The following GRM5 variants were observed in gnomAD, a reference collection of about 807,000 sequenced individuals.
GRM5 encodes the protein metabotropic glutamate receptor 5.
In GRM5, 19 loss-of-function variants were observed where a neutral mutation model predicts 83.1. The observed-to-expected ratio is 0.23, with a 90% CI of 0.16 to 0.34. The LOEUF (loss-of-function observed/expected upper bound fraction) is 0.34. GRM5 is among the 10% of genes least tolerant of loss of function. The pLI is 1.00. For missense variants in GRM5, 1,160 were observed against 1,588.3 expected (o/e 0.73, Z 4.58); for synonymous variants, 675 against 633.6 (o/e 1.07, Z -0.98).
intron 7 of GRM5, among the ~76,000 whole-genome samples, chr11:88,589,624 C>T (rs191129057): frequency 5.1e-4 from 78 of 152,226 alleles, no homozygotes; most frequent in African/African-American, 1.7e-3. Context: ...AAGTTTTGTG[C>T]TAAATCCATC....
chr11:88,814,431 G>C (rs1943635736), intron 3 of GRM5, among the ~76,000 whole-genome samples: 2 of 152,160 alleles, frequency 1.3e-5, no homozygotes, highest in Admixed American at 6.5e-5. Flanking sequence ...CAGTCTGAAA[G>C]TATTGAATCG....
At chr11:88,650,250 T>C (rs76489539) in intron 4 of GRM5, among the ~76,000 whole-genome samples, 3,809 of 151,862 alleles carry the variant, frequency 0.025, 148 homozygotes, top group African/African-American at 0.085. Flanking sequence ...AAATGAGAGA[T>C]ACAGTAAGGT....
At chr11:88,724,473 A>G (rs1030154277) in intron 3 of GRM5, among the ~76,000 whole-genome samples, 1 of 152,146 alleles carries the variant, frequency 6.6e-6, no homozygotes, top group African/African-American at 2.4e-5. Context: ...TTCTCTAGAT[A>G]GTATGTTTTG....
At chr11:88,961,278 T>C (rs1938774745) in intron 2 of GRM5, among the ~76,000 whole-genome samples, 1 of 152,132 alleles carries the variant, frequency 6.6e-6, no homozygotes, top group African/African-American at 2.4e-5. Context: ...ATGGGTGCAA[T>C]GTACAAGCAG....
chr11:88,786,766 A>G (rs1191308930), intron 3 of GRM5, among the ~76,000 whole-genome samples: 1 of 151,872 alleles, frequency 6.6e-6, no homozygotes, highest in Non-Finnish European at 1.5e-5. Flanking sequence ...TTTACGTTAC[A>G]TACCTTTCTG....
chr11:88,535,811 G>C (rs1942118952), intron 8 of GRM5, among the ~76,000 whole-genome samples: 1 of 152,076 alleles, frequency 6.6e-6, no homozygotes, highest in African/African-American at 2.4e-5. Context: ...ATCTAAAGAA[G>C]TTACTACTAA....
intron 3 of GRM5, among the ~76,000 whole-genome samples, chr11:88,796,023 G>A (rs990608386): frequency 8.5e-5 from 13 of 152,134 alleles, no homozygotes; most frequent in African/African-American, 2.9e-4. Context: ...TCAACTAATT[G>A]GTTCAGAAAA....
intron 2 of GRM5, among the ~76,000 whole-genome samples, chr11:89,023,002 C>G (rs1379585720): frequency 6.6e-6 from 1 of 152,154 alleles, no homozygotes; most frequent in Non-Finnish European, 1.5e-5. Context: ...ATGTGTATTT[C>G]TGACACGTTC....
At chr11:88,866,130 A>T (rs552703767) in intron 2 of GRM5, among the ~76,000 whole-genome samples, 2 of 152,120 alleles carry the variant, frequency 1.3e-5, no homozygotes, top group Non-Finnish European at 2.9e-5. Context: ...ACTATTCACA[A>T]TATCAAAGAC....
At chr11:88,646,287 T>C (rs989704604) in intron 4 of GRM5, among the ~76,000 whole-genome samples, 1 of 152,052 alleles carries the variant, frequency 6.6e-6, no homozygotes, top group Non-Finnish European at 1.5e-5. Context: ...AGAGAAAAAT[T>C]ATACTCTTAA....
chr11:88,904,510 A>C (rs1945371480), intron 2 of GRM5, among the ~76,000 whole-genome samples: 1 of 152,094 alleles, frequency 6.6e-6, no homozygotes, highest in East Asian at 1.9e-4. Context: ...GTACTGCCTT[A>C]TTGCAATTAA....
chr11:88,747,495 C>T (rs530990331), intron 3 of GRM5, among the ~76,000 whole-genome samples: 117 of 152,172 alleles, frequency 7.7e-4, no homozygotes, highest in Non-Finnish European at 1.5e-3. Flanking sequence ...ACGTGTACCT[C>T]TAAATTTTAA....
At chr11:88,809,838 ATC>A (rs1400611743) in intron 3 of GRM5, among the ~76,000 whole-genome samples, 2 of 152,050 alleles carry the variant, frequency 1.3e-5, no homozygotes, top group African/African-American at 4.8e-5. Context: ...AATATCAAAT[ATC>A]TGTTAAATTT....
intron 4 of GRM5, among the ~76,000 whole-genome samples, chr11:88,629,717 C>G (rs994582805): frequency 5.9e-5 from 9 of 152,156 alleles, no homozygotes; most frequent in African/African-American, 1.9e-4. Context: ...CCACAGACTT[C>G]CATGACTTAC....
chr11:88,599,795 TGAGGTCAG>T (rs1937925183), intron 5 of GRM5, among the ~76,000 whole-genome samples: 1 of 151,900 alleles, frequency 6.6e-6, no homozygotes, highest in South Asian at 2.1e-4. Flanking sequence ...GGGCAGATCA[TGAGGTCAG>T]GAGATCGAGA....
At chr11:88,978,379 G>A (rs1302536130) in intron 2 of GRM5, among the ~76,000 whole-genome samples, 1 of 150,556 alleles carries the variant, frequency 6.6e-6, no homozygotes, top group Non-Finnish European at 1.5e-5. Context: ...TACAGCAGGG[G>A]TGTCTACTCT....
At position 88,580,488 on chromosome 11, in the gene GRM5, ATT is replaced by A. The variant is rs1198586618; in HGVS notation, c.1690+10111_1690+10112del. On this transcript the variant is annotated intron_variant, in intron 7 of 9. Transcript: ENST00000305447. ...ATGCTAGATCCTTTTTGGGAAGGTT[ATT>A]TTTTTATTTTTATTTTGCCAGTGAG... is the stretch of plus-strand genomic sequence containing the variant. Among the ~76,000 whole-genome samples the A allele has an allele frequency of 5.3e-5, 8 of 152,232 alleles. No individual in the cohort carries two copies. In the South Asian group the frequency reaches 1.0e-3, roughly 20 times the overall value.
rs77734657 is a variant in GRM5, at chr11:89,047,446, T to C, written c.427A>G (p.Ile143Val). 2 of 1,614,024 alleles carry C rather than the reference T, an allele frequency of 1.2e-6. No homozygotes were observed. The highest frequency in any genetic ancestry group is 1.7e-6 in the Non-Finnish European group (2 of 1,180,008). ...GAGCCAGGCCCAATGACCCCTACTA[T>C]GGGCTTCTTGGAGCGGAAGGAAGAG... Reference protein sequence around the residue: ...SSSSFRSKKPIVGVIGPGSSS... With the variant: ...SSSSFRSKKPVVGVIGPGSSS... Residue 143 changes from isoleucine (I) to valine (V), a missense_variant, in exon 2 of 10, where the codon ATA becomes GTA. Ile to Val is a conservative substitution (Grantham distance 29, BLOSUM62 3). This residue lies in a region of GRM5 where 39 missense variants were observed against 36.7 expected (regional missense o/e 1.06). Transcript: ENST00000305447. This position sits in a 1 kb window ranked among gnomAD's most constrained non-coding sequence, Gnocchi z 5.1.
intron 2 of GRM5, among the ~76,000 whole-genome samples, chr11:89,038,149 CATTGTGT>C (rs1254257772): frequency 9.0e-5 from 11 of 121,612 alleles, no homozygotes; most frequent in African/African-American, 3.0e-4. Context: ...TTTAGAATCT[CATTGTGT>C]GTGTGTGTGT....
Sources: allele counts gnomAD v4.1 joint callset (sites outside exome capture counted in the v4.1 genomes callset), GRCh38; gene constraint gnomAD v4.1.1; regional missense constraint gnomAD v4.1.1; non-coding constraint Gnocchi (gnomAD v3.1); transcripts MANE v1.5; gene names NCBI Gene and HGNC (gene_info 2026-07-23, HGNC 2026-07-21).